The following UHRF2 variants were observed in gnomAD, a reference collection of about 807,000 sequenced individuals.
The protein encoded by UHRF2 is ubiquitin like with PHD and ring finger domains 2.
UHRF2 carries 23 observed loss-of-function variants against 96.8 expected under a neutral mutation model. The observed-to-expected ratio is 0.24, with a 90% confidence interval of 0.17 to 0.34. UHRF2 has a LOEUF of 0.34. Among genes scored for constraint, UHRF2 ranks in the 10% least tolerant of loss-of-function variants. The probability of loss-of-function intolerance (pLI) is 1.00; values close to 1 mark genes in which losing one functional copy is unlikely to be tolerated. For synonymous variants in UHRF2, 385 were observed against 332.6 expected (o/e 1.16, Z -1.72); for missense variants, 685 against 981.5 (o/e 0.70, Z 4.04).
intron 9 of UHRF2, among the ~76,000 whole-genome samples, chr9:6,493,331 A>G (rs1824779425): frequency 6.6e-6 from 1 of 152,016 alleles, no homozygotes; most frequent in Non-Finnish European, 1.5e-5. Context: ...TTTTAGGTAA[A>G]TTTGCTTTTG....
chr9:6,489,577 CTGT>C (rs1326259579), intron 9 of UHRF2, among the ~76,000 whole-genome samples: 5 of 152,186 alleles, frequency 3.3e-5, no homozygotes, highest in Non-Finnish European at 5.9e-5. Flanking sequence ...CCAGCATTCG[CTGT>C]TGTTGCTGTT....
intron 6 of UHRF2, among the ~76,000 whole-genome samples, chr9:6,478,899 C>T (rs759212327): frequency 2.0e-4 from 30 of 152,202 alleles, no homozygotes; most frequent in Admixed American, 9.8e-4. Flanking sequence ...TCGCTAATAA[C>T]TATTTCCTCT....
chr9:6,489,640 C>T (rs943722222), intron 9 of UHRF2, among the ~76,000 whole-genome samples: 13 of 151,222 alleles, frequency 8.6e-5, no homozygotes, highest in African/African-American at 2.4e-4. Context: ...TATTGTTGGA[C>T]GTGATTCGTT....
chr9:6,477,421 G>A (rs1823647551), intron 5 of UHRF2, among the ~76,000 whole-genome samples: 1 of 151,824 alleles, frequency 6.6e-6, no homozygotes, highest in Non-Finnish European at 1.5e-5. Context: ...AGCTACTCGA[G>A]AAGCTGAGGC....
rs1008152967 is a variant in UHRF2 at position 6,489,239 on chromosome 9, A to G, written c.1497+2314A>G. 5.3e-5 allele frequency among the ~76,000 whole-genome samples: 8 copies of G among 152,172 alleles called. No homozygotes were observed. In the East Asian group the frequency reaches 7.7e-4, roughly 15 times the overall value. ...TCTCTGGAGATTGTGGCATGTATCA[A>G]TAGTTCATTTCTTTTTATTGATGAG... On this transcript the variant is annotated intron_variant, in intron 9 of 15. Coordinates refer to ENST00000276893, the MANE Select transcript of UHRF2 (RefSeq NM_152896.3).
chr9:6,489,728 G>GTTTTTTTT, intron 9 of UHRF2, among the ~76,000 whole-genome samples: 1 of 114,748 alleles, frequency 8.7e-6, no homozygotes, highest in Non-Finnish European at 1.9e-5. Context: ...TTGGGTTTTT[G>GTTTTTTTT]TTTTTTTTTT....
intron 3 of UHRF2, among the ~76,000 whole-genome samples, chr9:6,450,925 A>G (rs899813407): frequency 6.6e-6 from 1 of 152,184 alleles, no homozygotes; most frequent in African/African-American, 2.4e-5. Flanking sequence ...GTGTTTGGTC[A>G]TGTTTCTAGG....
At chr9:6,488,324 T>C (rs1824437261) in intron 9 of UHRF2, among the ~76,000 whole-genome samples, 1 of 135,504 alleles carries the variant, frequency 7.4e-6, no homozygotes, top group Non-Finnish European at 1.5e-5. Flanking sequence ...AAGGGGATCC[T>C]GTGCCCTCTA....
In UHRF2 at chr9:6,506,161, C is replaced by T; in HGVS notation, c.2391C>T (p.Gly797=). ...CTCTACTTGACCTTTTCTTCCCTGGCTACAGCAAAGGACGATGATCTGCCT... is the reference window on the plus strand; with the variant it reads ...CTCTACTTGACCTTTTCTTCCCTGGTTACAGCAAAGGACGATGATCTGCCT... ...LQTLLDLFFP[G]YSKGR Residue 797 remains glycine (G), a synonymous_variant, in exon 16 of 16, where the codon GGC becomes GGT. Coordinates refer to ENST00000276893, the MANE Select transcript of UHRF2 (RefSeq NM_152896.3). The T allele has an allele frequency of 6.2e-7, 1 of 1,614,096 alleles. No homozygotes were observed. The highest frequency in any genetic ancestry group is 1.1e-5 in the South Asian group (1 of 91,064).
chr9:6,504,721 G>A (rs1366444853), intron 15 of UHRF2, 30 bp downstream of exon 15: 1 of 1,567,338 alleles, frequency 6.4e-7, no homozygotes, highest in Non-Finnish European at 8.8e-7. Context: ...CACTTTCCCT[G>A]TTAGGTATGA....
chr9:6,483,621 G>C (rs983695928), intron 8 of UHRF2, among the ~76,000 whole-genome samples: 1 of 152,148 alleles, frequency 6.6e-6, no homozygotes, highest in African/African-American at 2.4e-5. Context: ...AAAATGGCTT[G>C]AAAAGCTATG....
At chr9:6,439,121 G>T (rs976838546) in intron 3 of UHRF2, among the ~76,000 whole-genome samples, 1 of 152,126 alleles carries the variant, frequency 6.6e-6, no homozygotes, top group South Asian at 2.1e-4. Context: ...TTTAAAATTT[G>T]AGTTTTACTA....
intron 3 of UHRF2, among the ~76,000 whole-genome samples, chr9:6,445,661 G>T (rs938855871): frequency 2.0e-5 from 3 of 152,152 alleles, no homozygotes; most frequent in African/African-American, 7.2e-5. Context: ...GGGTTCAAGT[G>T]ATCCTCCTAC....
chr9:6,492,512 A>G (rs1824719983), intron 9 of UHRF2: 6 of 295,508 alleles, frequency 2.0e-5, no homozygotes, highest in Non-Finnish European at 3.0e-5. Flanking sequence ...AAAAGGTGAA[A>G]GTAAATTTAA....
chr9:6,489,255 T>C, intron 9 of UHRF2, among the ~76,000 whole-genome samples: 1 of 152,346 alleles, frequency 6.6e-6, no homozygotes, highest in African/African-American at 2.4e-5. Context: ...CATTTCTTTT[T>C]ATTGATGAGT....
At chr9:6,450,843 T>C (rs1290188328) in intron 3 of UHRF2, among the ~76,000 whole-genome samples, 4 of 152,198 alleles carry the variant, frequency 2.6e-5, no homozygotes, top group African/African-American at 9.6e-5. Context: ...GGTTCAGCCA[T>C]GTCTAGGAAT....
At chr9:6,471,845 G>T (rs949048964) in intron 4 of UHRF2, among the ~76,000 whole-genome samples, 1 of 152,148 alleles carries the variant, frequency 6.6e-6, no homozygotes, top group South Asian at 2.1e-4. Flanking sequence ...GAAGAAACTG[G>T]TGGGAATAGG....
intron 3 of UHRF2, among the ~76,000 whole-genome samples, chr9:6,445,775 A>G (rs1312696376): frequency 6.6e-6 from 1 of 151,846 alleles, no homozygotes; most frequent in Non-Finnish European, 1.5e-5. Flanking sequence ...TGTTGCCTAG[A>G]CTGATCTCAA....
chr9:6,488,837 G>C (rs1296928128), intron 9 of UHRF2, among the ~76,000 whole-genome samples: 1 of 148,294 alleles, frequency 6.7e-6, no homozygotes, highest in Non-Finnish European at 1.5e-5. Context: ...TTTTGAGATA[G>C]AGTCTCACTC....
Sources: gnomAD v4.1 joint callset for allele counts (sites outside exome capture counted in the v4.1 genomes callset) on GRCh38, gnomAD v4.1.1 for gene constraint, MANE v1.5 for transcripts, NCBI Gene and HGNC (gene_info 2026-07-23, HGNC 2026-07-21) for gene names.